Variants in WDR19 observed in about 807,000 individuals in gnomAD.
WDR19 encodes WD repeat domain 19.
WDR19 carries 121 observed loss-of-function variants against 180.0 expected under a neutral mutation model. The ratio of observed to expected loss-of-function variants is 0.67; its 90% CI spans 0.58 to 0.78. The LOEUF (loss-of-function observed/expected upper bound fraction) is 0.78, where lower values mean the gene tolerates loss of function less well. Ranked by LOEUF, WDR19 falls within the 30% of genes least tolerant of loss-of-function variation. WDR19 has a pLI of 0.00. For missense variants in WDR19, 1,450 were observed against 1,640.7 expected, an observed-to-expected ratio of 0.88 and a Z score of 2.01; for synonymous variants, 497 against 540.7, an observed-to-expected ratio of 0.92 and a Z score of 1.12.
intron 14 of WDR19, among the ~76,000 whole-genome samples, chr4:39,224,556 T>C (rs1460172057): frequency 1.3e-5 from 2 of 151,984 alleles, no homozygotes. Flanking sequence ...AATTTTTGTA[T>C]TTTTAGTAGA....
In WDR19 at chr4:39,278,522, T is replaced by G; in HGVS notation, c.3918-17T>G. The G allele has an allele frequency of 6.3e-7, 1 of 1,587,596 alleles. No homozygotes were observed. The highest frequency in any genetic ancestry group is 8.6e-7 in the Non-Finnish European group (1 of 1,162,706). On this transcript the variant is annotated splice_polypyrimidine_tract_variant and intron_variant, in intron 35 of 36. Transcript: ENST00000399820. ...GTTATATATTTAATTTACTCTGCCT[T>G]TCCCTCCCCTAAACAGCATGCTAAA...
rs766560008 is a variant in WDR19, at chr4:39,245,429, C to T, written c.2706C>T (p.Ala902=). 12 of 1,613,492 alleles carry T rather than the reference C, an allele frequency of 7.4e-6. No homozygotes were observed. In the Admixed American group the frequency reaches 1.0e-4, roughly 13 times the overall value. The change falls in exon 24 of 37, where the codon GCC becomes GCT. Residue 902 remains alanine (A), a synonymous_variant. Coordinates refer to ENST00000399820, the MANE Select transcript of WDR19 (RefSeq NM_025132.4). ...CTCCTAAGATCCATTTGCAGTATGC[C>T]AAAGCCAAGGAAGCAGATGGAAGGT... ...VSSPKIHLQY[A]KAKEADGRYK...
At chr4:39,282,688 G>A (rs1022456001) in intron 36 of WDR19, among the ~76,000 whole-genome samples, 4 of 152,140 alleles carry the variant, frequency 2.6e-5, no homozygotes, top group African/African-American at 7.2e-5. Context: ...GTGAGCCACC[G>A]TGCCCGGCCT....
At chr4:39,217,320 A>G (rs1212814008) in intron 13 of WDR19, 80 bp downstream of exon 13, 1 of 1,182,410 alleles carries the variant, frequency 8.5e-7, no homozygotes, top group African/African-American at 1.5e-5. Context: ...AATATTGGTC[A>G]GGAAGCAAGG....
At position 39,199,484 on chromosome 4, in the gene WDR19, A is replaced by T; in HGVS notation, c.413A>T (p.His138Leu). The T allele has an allele frequency of 1.2e-6, 2 of 1,611,746 alleles. No homozygotes were observed. Among genetic ancestry groups the T allele is most frequent in the Non-Finnish European group, 8.5e-7 (1 of 1,179,144 alleles). Residue 138 changes from histidine to leucine, a missense_variant, in exon 6 of 37, where the codon CAT becomes CTT. By Grantham distance (99) the His-to-Leu change is moderately conservative. Transcript: ENST00000399820. Reference sequence around the variant, plus strand: ...AAAATAATCTCTTTTTCAGGAAAACATACTAAGAGAATCACTTGTGGATGT... The same window carrying T: ...AAAATAATCTCTTTTTCAGGAAAACTTACTAAGAGAATCACTTGTGGATGT... The part of the protein sequence containing the change: ...TSRKIPVLGK[H>L]TKRITCGCWN...
Position 39,217,159 on chromosome 4 carries a change from G to A in WDR19, c.1275G>A (p.Glu425=). The stretch of plus-strand genomic sequence containing the variant: ...CTGTGAAAAAATTGAAAGATATGGA[G>A]TATCTGGGAACAGTAGCCAGTATTT... ...ENAVKKLKDM[E]YLGTVASICL... Residue 425 remains glutamate, a synonymous_variant, in exon 13 of 37, where the codon GAG becomes GAA. Transcript: ENST00000399820. 6.2e-7 allele frequency: 1 copy of A among 1,607,892 alleles called. No homozygotes were observed. Among genetic ancestry groups the A allele is most frequent in the Non-Finnish European group, 8.5e-7 (1 of 1,177,276 alleles).
intron 24 of WDR19, among the ~76,000 whole-genome samples, chr4:39,247,702 C>T (rs1213375342): frequency 1.3e-5 from 2 of 152,010 alleles, no homozygotes; most frequent in African/African-American, 4.8e-5. Context: ...AATTACGCGA[C>T]GAATCCACAA....
At position 39,257,363 on chromosome 4, in the gene WDR19, C is replaced by G. The variant is rs73238558; in HGVS notation, c.3115-123C>G. ...TTAAGATCCAACACCATGCAAGCCC[C>G]TGGTTGAGATGAAGATACTTTCACA... is the stretch of plus-strand genomic sequence containing the variant. On this transcript the variant is annotated intron_variant, in intron 27 of 36. Transcript: ENST00000399820. 6,152 of 914,084 alleles carry G rather than the reference C, an allele frequency of 6.7e-3. 34 individuals are homozygous for G. The highest frequency in any genetic ancestry group is 0.027 in the Middle Eastern group (88 of 3,264). 56.6% of individuals were successfully genotyped at this position (914,084 alleles called of 1,614,324 possible).
At chr4:39,261,206 G>A (rs972100140) in intron 28 of WDR19, among the ~76,000 whole-genome samples, 18 of 148,604 alleles carry the variant, frequency 1.2e-4, no homozygotes, top group African/African-American at 4.5e-4. Flanking sequence ...TGGCCAGGCT[G>A]TTCTCAAACT....
chr4:39,217,119 T>C lies in WDR19; in HGVS notation c.1250-15T>C, dbSNP rs1455802896. The C allele has an allele frequency of 1.9e-6, 3 of 1,573,978 alleles. No individual in the cohort carries two copies. The highest frequency in any genetic ancestry group is 2.6e-6 in the Non-Finnish European group (3 of 1,155,314). On this transcript the variant is annotated splice_polypyrimidine_tract_variant and intron_variant, in intron 12 of 36. Transcript: ENST00000399820. ...ACCAACATTTTAATGTGTTGGTTTTTAAAAATTGCTACAGCTGTGAAAAAA... is the reference window on the plus strand; with the variant it reads ...ACCAACATTTTAATGTGTTGGTTTTCAAAAATTGCTACAGCTGTGAAAAAA...
At chr4:39,216,041 A>T in intron 11 of WDR19, 28 bp downstream of exon 11, 1 of 1,537,488 alleles carries the variant, frequency 6.5e-7, no homozygotes, top group Admixed American at 2.1e-5. Context: ...TTTTTCTTTT[A>T]TTTATTAATA....
At position 39,267,545 on chromosome 4, in the gene WDR19, G is replaced by A. The variant is rs73238560; in HGVS notation, c.3262-450G>A. Among the ~76,000 whole-genome samples, 39 of 152,362 alleles carry A rather than the reference G, an allele frequency of 2.6e-4. 1 individual carries two copies. The highest frequency in any genetic ancestry group is 1.0e-3 in the Admixed American group (16 of 15,308). On this transcript the variant is annotated intron_variant, in intron 29 of 36. Transcript: ENST00000399820. ...AGGCCAAAGAAAATGTTATAGGTCA[G>A]AGAAAATTGATATGCATATAAAAAT...
chr4:39,184,762 C>A (rs1725336753), intron 1 of WDR19, among the ~76,000 whole-genome samples: 1 of 152,132 alleles, frequency 6.6e-6, no homozygotes, highest in Non-Finnish European at 1.5e-5. Flanking sequence ...ATTTCATATG[C>A]CTAGAAATGG....
intron 25 of WDR19, among the ~76,000 whole-genome samples, chr4:39,253,664 A>C (rs1733472182): frequency 6.6e-6 from 1 of 152,052 alleles, no homozygotes; most frequent in South Asian, 2.1e-4. Context: ...CTGTAGTTCC[A>C]GCTACTTGGG....
chr4:39,285,233 G>A (rs993407511), intron 36 of WDR19, among the ~76,000 whole-genome samples: 8 of 107,768 alleles, frequency 7.4e-5, no homozygotes, highest in African/African-American at 3.8e-4. Flanking sequence ...CCAGTGAGAT[G>A]GCTGTTATCA....
chr4:39,259,424 A>G (rs983335234), intron 28 of WDR19, among the ~76,000 whole-genome samples: 3 of 152,182 alleles, frequency 2.0e-5, no homozygotes, highest in Non-Finnish European at 2.9e-5. Flanking sequence ...TGATTACTAT[A>G]TGTATTATAT....
chr4:39,264,921 G>T (rs981068769), intron 28 of WDR19, among the ~76,000 whole-genome samples: 221 of 142,024 alleles, frequency 1.6e-3, no homozygotes, highest in South Asian at 2.7e-3. Context: ...TGGAGATGAC[G>T]TTTTTTTTTT....
intron 33 of WDR19, among the ~76,000 whole-genome samples, chr4:39,275,624 G>A (rs1735820840): frequency 6.6e-6 from 1 of 152,136 alleles, no homozygotes; most frequent in Non-Finnish European, 1.5e-5. Flanking sequence ...GGAAATGAGA[G>A]GTCAAAGGGA....
intron 28 of WDR19, 36 bp downstream of exon 28, chr4:39,257,590 A>G: frequency 6.5e-7 from 1 of 1,536,770 alleles, no homozygotes; most frequent in Non-Finnish European, 8.8e-7. Context: ...CAATAATGCC[A>G]ATTTTTTAAA....
Sources: gnomAD v4.1 joint callset for allele counts (sites outside exome capture counted in the v4.1 genomes callset) on GRCh38, gnomAD v4.1.1 for gene constraint, MANE v1.5 for transcripts, NCBI Gene and HGNC (gene_info 2026-07-23, HGNC 2026-07-21) for gene names.